Variants in ALLC observed in about 807,000 individuals in gnomAD.
The protein encoded by ALLC is probable inactive allantoicase.
ALLC carries 40 observed loss-of-function variants against 45.0 expected under a neutral mutation model. The observed-to-expected ratio is 0.89, with a 90% confidence interval of 0.69 to 1.16. ALLC has a LOEUF of 1.16. ALLC is among the 50% of genes most tolerant of loss of function. ALLC has a pLI of 0.00. For missense variants in ALLC, 488 were observed against 493.1 expected (o/e 0.99, Z 0.10); for synonymous variants, 176 against 178.1 (o/e 0.99, Z 0.09).
intron 2 of ALLC, among the ~76,000 whole-genome samples, chr2:3,672,435 G>A (rs1175478229): frequency 8.2e-6 from 1 of 121,628 alleles, no homozygotes; most frequent in East Asian, 2.5e-4. Context: ...CTGGTTAGAT[G>A]GGAGGTCCTC....
Position 3,682,787 on chromosome 2 carries a change from G to A in ALLC, c.379-155G>A, listed in dbSNP as rs533551377. On this transcript the variant is annotated intron_variant, in intron 6 of 11. Transcript: ENST00000252505. ...TGATCCGCCCGCCTCGGCCTCCCAA[G>A]GTGCTGGGATTACAGGCGTGAGCCA... 2.6e-3 allele frequency among the ~76,000 whole-genome samples: 392 copies of A among 152,260 alleles called. 1 individual carries two copies. The highest frequency in any genetic ancestry group is 5.0e-3 in the Admixed American group (77 of 15,304).
intron 3 of ALLC, among the ~76,000 whole-genome samples, chr2:3,677,808 T>C (rs1473626594): frequency 6.6e-6 from 1 of 152,260 alleles, no homozygotes; most frequent in Non-Finnish European, 1.5e-5. Flanking sequence ...CACGACTTGA[T>C]GGAAACAGGG....
intron 2 of ALLC, among the ~76,000 whole-genome samples, chr2:3,671,590 GC>G (rs1412915424): frequency 0.046 from 6,280 of 135,944 alleles, 47 homozygotes; most frequent in African/African-American, 0.057. Context: ...AGGTCCTCTG[GC>G]TCTAGTTAGA....
Position 3,680,824 on chromosome 2 carries a change from T to A in ALLC, c.299-810T>A, listed in dbSNP as rs1667157917. On this transcript the variant is annotated intron_variant, in intron 5 of 11. Coordinates refer to ENST00000252505, the MANE Select transcript of ALLC (RefSeq NM_018436.4). The surrounding 1 kb of genome is among the most constrained non-coding windows in gnomAD (Gnocchi z 4.0). ...ATATCAAGGTTGACATGTTCTGGAC[T>A]AAGGACAGTAAATCAAGTTGGAAGC... Among the ~76,000 whole-genome samples, 1 of 152,108 alleles carries A rather than the reference T, an allele frequency of 6.6e-6. No individual in the cohort carries two copies. Among genetic ancestry groups the A allele is most frequent in the African/African-American group, 2.4e-5 (1 of 41,412 alleles).
At chr2:3,676,526 C>T (rs1366898780) in intron 3 of ALLC, among the ~76,000 whole-genome samples, 10 of 152,132 alleles carry the variant, frequency 6.6e-5, no homozygotes, top group Admixed American at 2.6e-4. Flanking sequence ...GGATTACAGG[C>T]GTGAGCCACC....
upstream of ALLC, among the ~76,000 whole-genome samples, chr2:3,656,369 C>G (rs80212323): frequency 1.3e-5 from 2 of 152,190 alleles, no homozygotes; most frequent in African/African-American, 2.4e-5. Flanking sequence ...CTCTTGTTCT[C>G]CTCCCGCCCC....
intron 7 of ALLC, among the ~76,000 whole-genome samples, chr2:3,693,187 G>T (rs911701124): frequency 1.3e-5 from 2 of 152,186 alleles, no homozygotes; most frequent in East Asian, 3.9e-4. Flanking sequence ...CCAGAGACCT[G>T]AAGTGTTTTC....
At chr2:3,678,326 C>A in intron 3 of ALLC, 142 bp from the exon 4 acceptor site, 1 of 639,420 alleles carries the variant, frequency 1.6e-6, no homozygotes, top group Non-Finnish European at 2.8e-6. Context: ...AAGGGGCTAG[C>A]TGGGCATGAA....
At chr2:3,698,151 G>T (rs1667732522) in intron 10 of ALLC, among the ~76,000 whole-genome samples, 1 of 151,860 alleles carries the variant, frequency 6.6e-6, no homozygotes, top group Admixed American at 6.6e-5. Flanking sequence ...TGTTAGTAGA[G>T]ACGGGGTTTC....
chr2:3,678,842 C>T (rs940876664), intron 4 of ALLC, among the ~76,000 whole-genome samples: 5 of 152,160 alleles, frequency 3.3e-5, no homozygotes, highest in African/African-American at 1.2e-4. Flanking sequence ...TCTCACTGAG[C>T]AATGTGGCAG....
upstream of ALLC, among the ~76,000 whole-genome samples, chr2:3,654,736 C>T (rs1666405018): frequency 6.6e-6 from 1 of 152,226 alleles, no homozygotes; most frequent in Non-Finnish European, 1.5e-5. Flanking sequence ...TTCCCTTCAG[C>T]TGAGTGGAAG....
intron 7 of ALLC, among the ~76,000 whole-genome samples, chr2:3,686,881 TGAA>T (rs1422425994): frequency 1.3e-5 from 2 of 151,080 alleles, no homozygotes; most frequent in Non-Finnish European, 3.0e-5. Context: ...ATATTGTCTA[TGAA>T]GAAGGAGAAC....
At chr2:3,649,344 C>T in the ALLC span, among the ~76,000 whole-genome samples, 2 of 151,876 alleles carry the variant, frequency 1.3e-5, no homozygotes, top group Non-Finnish European at 2.9e-5. Flanking sequence ...TGGGTTCACG[C>T]CATTCTCCTG....
chr2:3,697,272 C>A, intron 9 of ALLC, 76 bp from the exon 10 acceptor site: 1 of 1,070,790 alleles, frequency 9.3e-7, no homozygotes, highest in Non-Finnish European at 1.4e-6. Context: ...CAACCTTTTT[C>A]ACCTGTTGGT....
At position 3,680,030 on chromosome 2, in the gene ALLC, A is replaced by G. The variant is rs376816813; in HGVS notation, c.298+36A>G. ...AACCACTGTCCCCAAAATGAGAATT[A>G]TGGGTCACATGGCTCCTCTGGCCAG... On this transcript the variant is annotated intron_variant, in intron 5 of 11. Coordinates refer to ENST00000252505, the MANE Select transcript of ALLC (RefSeq NM_018436.4). This position sits in a 1 kb window ranked among gnomAD's most constrained non-coding sequence, Gnocchi z 4.0. 12 of 1,610,624 alleles carry G rather than the reference A, an allele frequency of 7.5e-6. No individual in the cohort carries two copies. The highest frequency in any genetic ancestry group is 1.7e-5 in the Admixed American group (1 of 59,942).
chr2:3,648,993 C>T, the ALLC span, among the ~76,000 whole-genome samples: 38 of 152,196 alleles, frequency 2.5e-4, no homozygotes, highest in East Asian at 6.8e-3. Flanking sequence ...TACCTGGCCC[C>T]GTAGAGAAGC....
At chr2:3,648,818 G>A in the ALLC span, among the ~76,000 whole-genome samples, 2 of 152,254 alleles carry the variant, frequency 1.3e-5, no homozygotes, top group African/African-American at 4.8e-5. Flanking sequence ...ACGACTTCAA[G>A]TGACAGTGTG....
intron 1 of ALLC, among the ~76,000 whole-genome samples, chr2:3,662,796 A>G (rs2147992035): frequency 6.6e-6 from 1 of 152,352 alleles, no homozygotes; most frequent in African/African-American, 2.4e-5. Context: ...TTCAGTGTCC[A>G]TAAATAAAGT....
intron 7 of ALLC, among the ~76,000 whole-genome samples, chr2:3,693,112 C>T (rs571615860): frequency 1.3e-5 from 2 of 152,288 alleles, no homozygotes; most frequent in Non-Finnish European, 2.9e-5. Context: ...ACTGTTCTTA[C>T]TGAATTTTAG....
Sources: gnomAD v4.1 joint callset for allele counts (sites outside exome capture counted in the v4.1 genomes callset) on GRCh38, gnomAD v4.1.1 for gene constraint, Gnocchi (gnomAD v3.1) non-coding constraint, MANE v1.5 for transcripts, NCBI Gene and HGNC (gene_info 2026-07-23, HGNC 2026-07-21) for gene names.